SUCLG2: variants seen among roughly 807,000 people sequenced by gnomAD.
SUCLG2 encodes the protein succinate-CoA ligase GDP-forming subunit beta.
A neutral mutation model predicts 47.9 loss-of-function variants in SUCLG2; 42 were observed. That is an observed-to-expected ratio of 0.88 (90% CI 0.69 to 1.14). The LOEUF is 1.14. SUCLG2 is among the 50% of genes most tolerant of loss of function. The pLI, the probability that SUCLG2 is intolerant of heterozygous loss-of-function variation, is 0.00. For missense variants in SUCLG2, 571 were observed against 525.9 expected (o/e 1.09, Z -0.84); for synonymous variants, 195 against 197.3 (o/e 0.99, Z 0.10).
rs529153612 is a variant in SUCLG2, at chr3:67,654,530, C to T, written c.57G>A (p.Arg19=). Residue 19 remains arginine, a synonymous_variant, in exon 1 of 11, where the codon CGG becomes CGA. Transcript: ENST00000307227. ...AGKLLRALAL[R]PRFLAAGSQA... Reference sequence around the variant, plus strand: ...GGGACCCGGCCGCCAGGAAGCGGGGCCGCAGCGCTAGGGCTCGCAGAAGCT... The same window carrying T: ...GGGACCCGGCCGCCAGGAAGCGGGGTCGCAGCGCTAGGGCTCGCAGAAGCT... The T allele has an allele frequency of 5.7e-5, 71 of 1,255,562 alleles. 1 individual carries two copies. In the African/African-American group the frequency reaches 6.0e-4, roughly 11 times the overall value. 77.8% of individuals were successfully genotyped at this position (1,255,562 alleles called of 1,614,324 possible). A position where few individuals can be genotyped will look rare whatever the true frequency, so the allele number is the denominator to read the frequency against.
intron 2 of SUCLG2, among the ~76,000 whole-genome samples, chr3:67,565,186 T>C (rs1041720212): frequency 5.9e-5 from 9 of 152,220 alleles, no homozygotes; most frequent in African/African-American, 2.2e-4. Flanking sequence ...AACAGGTTCC[T>C]TGATTTCACT....
intron 9 of SUCLG2, among the ~76,000 whole-genome samples, chr3:67,414,870 T>C (rs1703004961): frequency 6.6e-6 from 1 of 152,210 alleles, no homozygotes; most frequent in Admixed American, 6.5e-5. Flanking sequence ...CTTTTTTCTT[T>C]ATGAGATGCA....
chr3:67,639,908 T>G (rs979162011), intron 1 of SUCLG2, among the ~76,000 whole-genome samples: 2 of 152,222 alleles, frequency 1.3e-5, no homozygotes, highest in African/African-American at 4.8e-5. Flanking sequence ...TACACAATTC[T>G]TGCTACATCT....
chr3:67,615,885 G>C (rs1378704494), intron 1 of SUCLG2, among the ~76,000 whole-genome samples: 3 of 152,028 alleles, frequency 2.0e-5, no homozygotes, highest in African/African-American at 7.2e-5. Context: ...ATAACAAAAG[G>C]ATACGATTGG....
intron 9 of SUCLG2, among the ~76,000 whole-genome samples, chr3:67,460,277 A>G (rs1416098723): frequency 6.6e-6 from 1 of 152,212 alleles, no homozygotes; most frequent in Non-Finnish European, 1.5e-5. Flanking sequence ...CTTCTATGTA[A>G]AAGTTACAAT....
chr3:67,603,600 C>T (rs1009158562), intron 2 of SUCLG2, among the ~76,000 whole-genome samples: 1 of 152,110 alleles, frequency 6.6e-6, no homozygotes, highest in Non-Finnish European at 1.5e-5. Flanking sequence ...GTTCAATTTT[C>T]TTTCCCAACA....
chr3:67,540,771 G>T (rs371046845), intron 2 of SUCLG2, among the ~76,000 whole-genome samples: 42 of 152,310 alleles, frequency 2.8e-4, no homozygotes, highest in African/African-American at 9.9e-4. Context: ...TCCAGCAGGG[G>T]TCGACAGACA....
Position 67,508,789 on chromosome 3 carries a change from A to ATT in SUCLG2, c.757+16_757+17dup. On this transcript the variant is annotated intron_variant, in intron 7 of 10. Transcript: ENST00000307227. ...TATAATACATTCATTTGTTTTCTCA[A>ATT]TTCTTTTTTTTTTTTACCTTGTCCT... 6.6e-7 allele frequency: 1 copy of ATT among 1,508,724 alleles called. No individual in the cohort carries two copies. The highest frequency in any genetic ancestry group is 1.2e-5 in the South Asian group (1 of 83,824). 93.5% of individuals were successfully genotyped at this position (1,508,724 alleles called of 1,614,324 possible). A position where few individuals can be genotyped will look rare whatever the true frequency, so the allele number is the denominator to read the frequency against.
chr3:67,494,671 T>G (rs1705285399), intron 9 of SUCLG2, among the ~76,000 whole-genome samples: 1 of 152,108 alleles, frequency 6.6e-6, no homozygotes, highest in Non-Finnish European at 1.5e-5. Context: ...TTATATCAAA[T>G]TGTTGTGGCA....
At chr3:67,590,284 A>C (rs1484770488) in intron 2 of SUCLG2, among the ~76,000 whole-genome samples, 2 of 152,248 alleles carry the variant, frequency 1.3e-5, no homozygotes, top group African/African-American at 2.4e-5. Flanking sequence ...CCAGCAAGTG[A>C]GAATGATGAT....
downstream of SUCLG2, among the ~76,000 whole-genome samples, chr3:67,374,404 T>C (rs531594395): frequency 3.3e-5 from 5 of 152,310 alleles, no homozygotes; most frequent in South Asian, 2.1e-4. Context: ...ATGGTGGCAA[T>C]TGAGCCTCAC....
In SUCLG2 at chr3:67,607,840, C is replaced by T. The variant is rs142911850; in HGVS notation, c.226+1615G>A. 5.3e-5 allele frequency among the ~76,000 whole-genome samples: 8 copies of T among 152,286 alleles called. No individual in the cohort carries two copies. The East Asian group carries it at 9.7e-4, about 18-fold the overall frequency. On this transcript the variant is annotated intron_variant, in intron 2 of 10. Coordinates refer to ENST00000307227, the MANE Select transcript of SUCLG2 (RefSeq NM_003848.4). ...ATGGGAGTTCCCCTGCACAAGTTCTCGTCTGCCACCATGTAAGACATCCCT... is the reference window on the plus strand; with the variant it reads ...ATGGGAGTTCCCCTGCACAAGTTCTTGTCTGCCACCATGTAAGACATCCCT...
intron 2 of SUCLG2, among the ~76,000 whole-genome samples, chr3:67,566,421 G>A (rs963721421): frequency 6.6e-6 from 1 of 152,016 alleles, no homozygotes; most frequent in African/African-American, 2.4e-5. Context: ...GAATACAACT[G>A]TATAAAGTAT....
chr3:67,397,991 C>T (rs1351135451), intron 10 of SUCLG2, among the ~76,000 whole-genome samples: 1 of 150,294 alleles, frequency 6.7e-6, no homozygotes, highest in Non-Finnish European at 1.5e-5. Flanking sequence ...AACTGGATCC[C>T]TTCCTTACAC....
intron 2 of SUCLG2, among the ~76,000 whole-genome samples, chr3:67,604,523 T>C (rs1470481746): frequency 6.6e-6 from 1 of 152,230 alleles, no homozygotes; most frequent in East Asian, 1.9e-4. Context: ...TTTTTAACTT[T>C]ATCTTGCCTG....
intron 9 of SUCLG2, among the ~76,000 whole-genome samples, chr3:67,442,155 C>T (rs1396015180): frequency 4.1e-5 from 6 of 147,992 alleles, no homozygotes; most frequent in Admixed American, 6.8e-5. Flanking sequence ...GGACTACAGG[C>T]GCCCGCCACT....
At chr3:67,466,549 G>A (rs1336236158) in intron 9 of SUCLG2, among the ~76,000 whole-genome samples, 2 of 152,164 alleles carry the variant, frequency 1.3e-5, no homozygotes, top group East Asian at 1.9e-4. Context: ...CCTGTCTTGT[G>A]AGGGAAGCTT....
intron 9 of SUCLG2, among the ~76,000 whole-genome samples, chr3:67,469,763 G>T (rs1704559626): frequency 6.9e-6 from 1 of 145,050 alleles, no homozygotes; most frequent in Non-Finnish European, 1.5e-5. Flanking sequence ...AAAAGATTAT[G>T]GCCCGGGCAC....
At position 67,516,609 on chromosome 3, in the gene SUCLG2, G is replaced by C. The variant is rs147435817; in HGVS notation, c.660+1638C>G. On this transcript the variant is annotated intron_variant, in intron 6 of 10. Transcript: ENST00000307227. ...ACACCTAGAAGTGTTGTTTCACCTA[G>C]TCATGCACATGACAAATGTTTCTTG... Among the ~76,000 whole-genome samples the C allele has an allele frequency of 5.2e-3, 796 of 152,306 alleles. 6 individuals are homozygous for C. Among genetic ancestry groups the C allele is most frequent in the African/African-American group, 0.018 (748 of 41,558 alleles).
Sources: allele counts gnomAD v4.1 joint callset (sites outside exome capture counted in the v4.1 genomes callset), GRCh38; gene constraint gnomAD v4.1.1; transcripts MANE v1.5; gene names NCBI Gene and HGNC (gene_info 2026-07-23, HGNC 2026-07-21).